SPIDR: variants seen among roughly 807,000 people sequenced by gnomAD.
SPIDR encodes the protein scaffold protein involved in DNA repair.
In SPIDR, 93 loss-of-function variants were observed where a neutral mutation model predicts 104.6. That is an observed-to-expected ratio of 0.89 (90% CI 0.75 to 1.06). The LOEUF (loss-of-function observed/expected upper bound fraction) is 1.06, where lower values mean the gene tolerates loss of function less well. Ranked by LOEUF, SPIDR falls within the 50% of genes least tolerant of loss-of-function variation. The pLI is 0.00. For missense variants in SPIDR, 1,154 were observed against 1,111.2 expected (o/e 1.04, Z -0.55); for synonymous variants, 431 against 416.9 (o/e 1.03, Z -0.41).
intron 5 of SPIDR, among the ~76,000 whole-genome samples, chr8:47,340,214 G>A (rs782475268): frequency 1.3e-5 from 2 of 152,052 alleles, no homozygotes; most frequent in Non-Finnish European, 2.9e-5. Context: ...TGCTTTAGGG[G>A]CATTTTGTCC....
chr8:47,339,376 G>A (rs2050311129), intron 5 of SPIDR, among the ~76,000 whole-genome samples: 2 of 152,146 alleles, frequency 1.3e-5, no homozygotes, highest in Admixed American at 1.3e-4. Context: ...TTCCCCATGT[G>A]TGTGTGATTG....
intron 8 of SPIDR, among the ~76,000 whole-genome samples, chr8:47,582,083 G>A (rs575406988): frequency 1.3e-5 from 2 of 152,116 alleles, no homozygotes; most frequent in Non-Finnish European, 2.9e-5. Flanking sequence ...CAGGCGTGGT[G>A]GCGGGTGCCT....
At chr8:47,281,456 A>G (rs2037760313) in intron 2 of SPIDR, among the ~76,000 whole-genome samples, 2 of 152,232 alleles carry the variant, frequency 1.3e-5, no homozygotes, top group African/African-American at 4.8e-5. Context: ...AAAGCCTGAC[A>G]CTGCTTTATC....
intron 10 of SPIDR, among the ~76,000 whole-genome samples, chr8:47,618,226 T>C (rs2064619029): frequency 1.3e-5 from 2 of 152,180 alleles, no homozygotes; most frequent in Non-Finnish European, 2.9e-5. Context: ...TTCCTTTATC[T>C]TCTGCAAAAG....
At chr8:47,508,509 C>A (rs903881253) in intron 8 of SPIDR, among the ~76,000 whole-genome samples, 1 of 152,332 alleles carries the variant, frequency 6.6e-6, no homozygotes, top group East Asian at 1.9e-4. Flanking sequence ...CCACCCTGAA[C>A]CTTTCAAATC....
chr8:47,653,997 G>C, intron 10 of SPIDR: 2 of 1,273,500 alleles, frequency 1.6e-6, no homozygotes, highest in Non-Finnish European at 2.0e-6. Flanking sequence ...ATGAGTGGGA[G>C]TGGCAAGGAC....
chr8:47,604,167 T>A (rs531065424), intron 10 of SPIDR, among the ~76,000 whole-genome samples: 1 of 152,306 alleles, frequency 6.6e-6, no homozygotes, highest in South Asian at 2.1e-4. Flanking sequence ...AGAATGGACA[T>A]AATTTAGTTT....
intron 11 of SPIDR, chr8:47,697,731 AC>A (rs1435001726): frequency 1.3e-5 from 2 of 152,294 alleles, no homozygotes; most frequent in South Asian, 2.1e-4. Flanking sequence ...GTCCTGCACC[AC>A]CCCCCAGCCT....
intron 5 of SPIDR, among the ~76,000 whole-genome samples, chr8:47,332,919 G>A (rs2049018104): frequency 7.0e-6 from 1 of 142,290 alleles, no homozygotes; most frequent in African/African-American, 2.7e-5. Flanking sequence ...CAGATGAGTA[G>A]GTTGCAAAAA....
intron 5 of SPIDR, among the ~76,000 whole-genome samples, chr8:47,303,674 T>C (rs2042632372): frequency 6.6e-6 from 1 of 152,234 alleles, no homozygotes; most frequent in Non-Finnish European, 1.5e-5. Context: ...TATTTGCATA[T>C]GTTGAACCAT....
intron 8 of SPIDR, among the ~76,000 whole-genome samples, chr8:47,524,393 G>C (rs2084659437): frequency 6.6e-6 from 1 of 152,136 alleles, no homozygotes; most frequent in Non-Finnish European, 1.5e-5. Context: ...GTGTGTATTT[G>C]GCATGTGGCT....
chr8:47,567,019 A>G (rs1176722134), intron 8 of SPIDR, among the ~76,000 whole-genome samples: 4 of 152,202 alleles, frequency 2.6e-5, no homozygotes, highest in African/African-American at 7.2e-5. Context: ...GGAATATGGA[A>G]CAGATAAATA....
chr8:47,571,491 A>AT (rs2058517900), intron 8 of SPIDR, among the ~76,000 whole-genome samples: 1 of 152,238 alleles, frequency 6.6e-6, no homozygotes, highest in African/African-American at 2.4e-5. Context: ...AGAATCATAT[A>AT]TATCCTACTT....
intron 8 of SPIDR, among the ~76,000 whole-genome samples, chr8:47,530,235 A>C (rs1263142910): frequency 6.6e-6 from 1 of 152,182 alleles, no homozygotes; most frequent in Non-Finnish European, 1.5e-5. Flanking sequence ...TGGGAGGCTG[A>C]AGTAGGCAGA....
At chr8:47,429,004 C>T (rs2066894572) in intron 7 of SPIDR, among the ~76,000 whole-genome samples, 1 of 152,094 alleles carries the variant, frequency 6.6e-6, no homozygotes, top group Non-Finnish European at 1.5e-5. Flanking sequence ...TAGTATTGTT[C>T]TTTGTAGTCG....
chr8:47,483,807 C>T (rs1256356175), intron 8 of SPIDR, among the ~76,000 whole-genome samples: 1 of 152,060 alleles, frequency 6.6e-6, no homozygotes, highest in Non-Finnish European at 1.5e-5. Context: ...CCTTGGTCAC[C>T]TCTGTGGTAT....
At chr8:47,658,187 G>T (rs1236573730) in intron 10 of SPIDR, among the ~76,000 whole-genome samples, 4 of 152,110 alleles carry the variant, frequency 2.6e-5, no homozygotes, top group Non-Finnish European at 5.9e-5. Context: ...GGGAGGCCGA[G>T]GCGGGCGGAT....
At chr8:47,392,166 C>G (rs1424648568) in intron 5 of SPIDR, among the ~76,000 whole-genome samples, 1 of 152,060 alleles carries the variant, frequency 6.6e-6, no homozygotes, top group Non-Finnish European at 1.5e-5. Context: ...GCATTTATTA[C>G]TGCATCTCCA....
At chr8:47,584,951 G>A (rs1168115355) in intron 8 of SPIDR, among the ~76,000 whole-genome samples, 7 of 151,776 alleles carry the variant, frequency 4.6e-5, no homozygotes, top group East Asian at 1.9e-4. Flanking sequence ...CATACCTATC[G>A]GCTATTGGCT....
Sources: allele counts gnomAD v4.1 joint callset (sites outside exome capture counted in the v4.1 genomes callset), GRCh38; gene constraint gnomAD v4.1.1; transcripts MANE v1.5; gene names NCBI Gene and HGNC (gene_info 2026-07-23, HGNC 2026-07-21).